CHD6: variants seen among roughly 807,000 people sequenced by gnomAD.
The protein encoded by CHD6 is chromodomain helicase DNA binding protein 6, also known as ATP-dependent chromatin remodeler CHD6.
In CHD6, 50 loss-of-function variants were observed where a neutral mutation model predicts 276.9. The ratio of observed to expected loss-of-function variants is 0.18; its 90% CI spans 0.14 to 0.23. CHD6 has a LOEUF of 0.23. Ranked by LOEUF, CHD6 falls within the 10% of genes least tolerant of loss-of-function variation. The pLI, the probability that CHD6 is intolerant of heterozygous loss-of-function variation, is 1.00. For synonymous variants in CHD6, 1,173 were observed against 1,229.3 expected (o/e 0.95, Z 0.96); for missense variants, 2,564 against 3,365.8 (o/e 0.76, Z 5.89).
intron 20 of CHD6, 31 bp downstream of exon 20, chr20:41,454,595 T>A (rs770702712): frequency 2.9e-5 from 43 of 1,507,122 alleles, no homozygotes; most frequent in Non-Finnish European, 3.9e-5. Context: ...TAAGTGAATG[T>A]TCCATGGAAT....
rs761438267 is a variant in CHD6 at position 41,533,486 on chromosome 20, A to C, written c.118T>G (p.Cys40Gly). The C allele has an allele frequency of 6.2e-6, 10 of 1,614,128 alleles. No individual in the cohort carries two copies. Among genetic ancestry groups the C allele is most frequent in the Non-Finnish European group, 8.5e-6 (10 of 1,180,012 alleles). ...ATTTTCTCTTCTTGATCAGTGCTGC[A>C]GTCAAATGGGGATGGAGATTTGTAG... Reference protein sequence around the residue: ...FDYKSPSPFDCSTDQEEKIED... With the variant: ...FDYKSPSPFDGSTDQEEKIED... Residue 40 changes from cysteine to glycine, a missense_variant, in exon 3 of 37, where the codon TGC becomes GGC. By Grantham distance (159) the Cys-to-Gly change is radical (BLOSUM62 -3). Coordinates refer to ENST00000373233, the MANE Select transcript of CHD6 (RefSeq NM_032221.5).
intron 2 of CHD6, among the ~76,000 whole-genome samples, chr20:41,546,294 A>C (rs1045090782): frequency 2.0e-5 from 3 of 152,206 alleles, no homozygotes. Context: ...AGAGGACCTA[A>C]GAATGAAGGG....
chr20:41,445,783 G>C lies in CHD6; in HGVS notation c.3774-15C>G, dbSNP rs750592676. 3.2e-6 allele frequency: 5 copies of C among 1,556,396 alleles called. No homozygotes were observed. In the East Asian group the frequency reaches 1.1e-4, roughly 35 times the overall value. ...CATCCAGCTCCCTAGGGAAGGAAGGGTGTAGACTCAAAACAACACAAAAGC... is the reference window on the plus strand; with the variant it reads ...CATCCAGCTCCCTAGGGAAGGAAGGCTGTAGACTCAAAACAACACAAAAGC... On this transcript the variant is annotated splice_polypyrimidine_tract_variant and intron_variant, in intron 24 of 36. Transcript: ENST00000373233.
rs145798223 is a variant in CHD6 at position 41,574,470 on chromosome 20, T to C, written c.-23-23110A>G. 6.9e-3 allele frequency among the ~76,000 whole-genome samples: 1,052 copies of C among 152,282 alleles called. 39 individuals carry two copies. The highest frequency in any genetic ancestry group is 0.062 in the Admixed American group (949 of 15,302). On this transcript the variant is annotated intron_variant, in intron 1 of 36. Transcript: ENST00000373233. ...TCTCTCCTGAACCTTCCATGTTCTG[T>C]ATACTCCTTAATTTACAAAGTCAAA... is the stretch of plus-strand genomic sequence containing the variant.
intron 23 of CHD6, among the ~76,000 whole-genome samples, chr20:41,448,993 C>T (rs975829870): frequency 8.6e-5 from 13 of 151,996 alleles, no homozygotes; most frequent in African/African-American, 3.1e-4. Context: ...CCTCCCCCTC[C>T]TGGGTTCAAG....
chr20:41,499,206 G>A, intron 6 of CHD6, 89 bp downstream of exon 6: 1 of 957,526 alleles, frequency 1.0e-6, no homozygotes, highest in Non-Finnish European at 1.6e-6. Flanking sequence ...AGCCAATAAT[G>A]GTCATTCTAG....
chr20:41,486,257 T>C (rs955891658), intron 14 of CHD6: 1 of 152,230 alleles, frequency 6.6e-6, no homozygotes, highest in Non-Finnish European at 1.5e-5. Context: ...TAGAGTTTAC[T>C]ATATGCCAGA....
In CHD6 at chr20:41,470,930, C is replaced by T. The variant is rs571857205; in HGVS notation, c.2664+2392G>A. Among the ~76,000 whole-genome samples the T allele has an allele frequency of 3.9e-5, 6 of 152,238 alleles. No individual in the cohort carries two copies. In the East Asian group the frequency reaches 7.7e-4, roughly 20 times the overall value. The stretch of plus-strand genomic sequence containing the variant: ...GGATATCGCTTCAGGCATGTCCAGC[C>T]GAGGTGTCCTCAAACTGGCCATTCA... On this transcript the variant is annotated intron_variant, in intron 17 of 36. Coordinates refer to ENST00000373233, the MANE Select transcript of CHD6 (RefSeq NM_032221.5).
intron 4 of CHD6, among the ~76,000 whole-genome samples, chr20:41,513,201 C>T (rs992303648): frequency 3.3e-5 from 5 of 152,154 alleles, no homozygotes; most frequent in African/African-American, 1.2e-4. Context: ...AACAAAAGCT[C>T]AATCTCCAAA....
At chr20:41,430,911 G>A (rs2047518053) in intron 27 of CHD6, among the ~76,000 whole-genome samples, 1 of 147,844 alleles carries the variant, frequency 6.8e-6, no homozygotes, top group Non-Finnish European at 1.5e-5. Flanking sequence ...CCAGGCTGGA[G>A]TGTGGTGGCT....
intron 1 of CHD6, among the ~76,000 whole-genome samples, chr20:41,554,861 T>C (rs1283212185): frequency 6.6e-6 from 1 of 152,136 alleles, no homozygotes; most frequent in Non-Finnish European, 1.5e-5. Context: ...AAAACCGCCA[T>C]TGTCATCATG....
Position 41,502,954 on chromosome 20 carries a change from G to A in CHD6, c.853-3597C>T, listed in dbSNP as rs543731114. On this transcript the variant is annotated intron_variant, in intron 5 of 36. Transcript: ENST00000373233. ...CTGGGAGGTGGAGGTTGCAGTGAGC[G>A]AGACCATGCCACTGCACTCCAGCCT... 3.3e-5 allele frequency among the ~76,000 whole-genome samples: 5 copies of A among 152,234 alleles called. No individual in the cohort carries two copies. The East Asian group carries it at 5.8e-4, about 18-fold the overall frequency.
At chr20:41,592,231 T>C (rs2045670792) in intron 1 of CHD6, among the ~76,000 whole-genome samples, 1 of 152,158 alleles carries the variant, frequency 6.6e-6, no homozygotes, top group African/African-American at 2.4e-5. Flanking sequence ...AAAAAAACTT[T>C]TGTAAGTGGT....
Position 41,421,122 on chromosome 20 carries a change from A to T in CHD6, c.5513T>A (p.Leu1838Gln). The change falls in exon 31 of 37, where the codon CTG becomes CAG. Residue 1838 changes from leucine (L) to glutamine (Q), a missense_variant. Coordinates refer to ENST00000373233, the MANE Select transcript of CHD6 (RefSeq NM_032221.5). ...ATCAATTAATTGCTGATCTGATGAC[A>T]GGTTTCTTTTGGAGTCACAGACACT... ...SLSVCDSKRN[L>Q]SSDQQLIDLL... 1 of 1,614,130 alleles carries T rather than the reference A, an allele frequency of 6.2e-7. No individual in the cohort carries two copies. The highest frequency in any genetic ancestry group is 8.5e-7 in the Non-Finnish European group (1 of 1,180,036).
rs781218796 is a variant in CHD6 at position 41,423,648 on chromosome 20, C to T, written c.4399G>A (p.Val1467Ile). Residue 1467 changes from valine to isoleucine, a missense_variant, in exon 30 of 37, where the codon GTT (valine) becomes ATT (isoleucine). Around this residue, in one of 7 missense-constraint regions of CHD6, gnomAD observed 515 missense variants for 739.5 expected, o/e 0.70. Transcript: ENST00000373233. ...DFYRTVSSFG[V>I]VYDQEKKTFD... ...GTTTTCTTTTCTTGATCGTAAACAA[C>T]ACCAAAGGAAGACACTGTTCTATAG... is the stretch of plus-strand genomic sequence containing the variant. The T allele has an allele frequency of 6.2e-6, 10 of 1,614,200 alleles. No homozygotes were observed. Among genetic ancestry groups the T allele is most frequent in the Non-Finnish European group, 7.6e-6 (9 of 1,180,038 alleles).
chr20:41,542,903 G>C (rs918765983), intron 2 of CHD6, among the ~76,000 whole-genome samples: 3 of 151,836 alleles, frequency 2.0e-5, no homozygotes, highest in African/African-American at 7.3e-5. Context: ...AGGAGATTGA[G>C]ACCATCCTGG....
At chr20:41,555,020 C>A (rs1222846654) in intron 1 of CHD6, among the ~76,000 whole-genome samples, 10 of 149,284 alleles carry the variant, frequency 6.7e-5, no homozygotes, top group South Asian at 4.2e-4. Context: ...CTGACCCCCC[C>A]ACCTCCCTCC....
At chr20:41,428,080 T>A (rs1171403339) in intron 27 of CHD6, among the ~76,000 whole-genome samples, 1 of 152,178 alleles carries the variant, frequency 6.6e-6, no homozygotes, top group East Asian at 1.9e-4. Flanking sequence ...GAGGCAGGCA[T>A]ACAGCAAATG....
chr20:41,432,265 A>G (rs1036364252), intron 27 of CHD6, among the ~76,000 whole-genome samples: 13 of 152,114 alleles, frequency 8.5e-5, no homozygotes, highest in African/African-American at 2.9e-4. Context: ...TATTAAGACA[A>G]TAACTGCTAT....
Sources: allele counts gnomAD v4.1 joint callset (sites outside exome capture counted in the v4.1 genomes callset), GRCh38; gene constraint gnomAD v4.1.1; regional missense constraint gnomAD v4.1.1; transcripts MANE v1.5; gene names NCBI Gene and HGNC (gene_info 2026-07-23, HGNC 2026-07-21).